The following HECTD4 variants were observed in gnomAD, a reference collection of about 807,000 sequenced individuals.
HECTD4 encodes the protein HECT domain E3 ubiquitin protein ligase 4, also known as probable E3 ubiquitin-protein ligase HECTD4.
In HECTD4, 114 loss-of-function variants were observed where a neutral mutation model predicts 471.5. The observed-to-expected ratio is 0.24, with a 90% CI of 0.21 to 0.28. The LOEUF is 0.28. Among genes scored for constraint, HECTD4 ranks in the 10% least tolerant of loss-of-function variants. The pLI is 1.00. For missense variants in HECTD4, 3,866 were observed against 5,651.5 expected, an observed-to-expected ratio of 0.68 and a Z score of 10.13; for synonymous variants, 2,012 against 2,256.0, an observed-to-expected ratio of 0.89 and a Z score of 3.07.
At chr12:112,303,630 A>G (rs2035209885) in intron 7 of HECTD4, among the ~76,000 whole-genome samples, 1 of 152,148 alleles carries the variant, frequency 6.6e-6, no homozygotes, top group Non-Finnish European at 1.5e-5. Context: ...CATGCTGATC[A>G]CTTGAGCTCA....
In HECTD4 at chr12:112,323,962, CT is replaced by C. The variant is rs201744681; in HGVS notation, c.178-4221del. 7.9e-4 allele frequency among the ~76,000 whole-genome samples: 25 copies of C among 31,686 alleles called. 2 individuals are homozygous for C. The highest frequency in any genetic ancestry group is 2.0e-3 in the South Asian group (1 of 512). The allele number at this position is 31,686 out of a possible 152,430, so 20.8% of individuals were successfully genotyped here. A position where few individuals can be genotyped will look rare whatever the true frequency, so the allele number is the denominator to read the frequency against. On this transcript the variant is annotated intron_variant, in intron 1 of 75. Transcript: ENST00000682272. ...TACTGAGGTGCTTCTTTCTTTCTTT[CT>C]TTCTTCCTTCCTTCCTTCCTTCCTT...
intron 1 of HECTD4, among the ~76,000 whole-genome samples, chr12:112,370,050 A>G (rs992491182): frequency 1.3e-5 from 2 of 152,202 alleles, no homozygotes; most frequent in East Asian, 3.8e-4. Context: ...ATTATCCTGT[A>G]TTATCTGGGT....
At chr12:112,210,885 T>C (rs887374198) in intron 49 of HECTD4, among the ~76,000 whole-genome samples, 4 of 152,222 alleles carry the variant, frequency 2.6e-5, no homozygotes, top group African/African-American at 9.7e-5. Flanking sequence ...GTGCTTGACA[T>C]AGAGTAAGTA....
intron 1 of HECTD4, among the ~76,000 whole-genome samples, chr12:112,339,417 G>A (rs1215234487): frequency 1.3e-5 from 2 of 151,812 alleles, no homozygotes; most frequent in African/African-American, 4.9e-5. Flanking sequence ...AGGGCTATAT[G>A]CATAATATGA....
At chr12:112,291,084 G>C (rs1009322391) in intron 7 of HECTD4, among the ~76,000 whole-genome samples, 2 of 151,424 alleles carry the variant, frequency 1.3e-5, no homozygotes, top group Admixed American at 1.3e-4. Context: ...CTTCTCACAA[G>C]GTGCATTCTT....
intron 17 of HECTD4, among the ~76,000 whole-genome samples, chr12:112,263,305 C>T (rs1047742190): frequency 6.6e-6 from 1 of 152,162 alleles, no homozygotes; most frequent in African/African-American, 2.4e-5. Flanking sequence ...GGGCAAACTG[C>T]ATTGGCTTTT....
Position 112,252,527 on chromosome 12 carries a change from A to G in HECTD4, c.3449T>C (p.Val1150Ala). The part of the protein sequence containing the change: ...GTGWPKDLVK[V>A]EGDTVTFSFE... The stretch of plus-strand genomic sequence containing the variant: ...GGAGAAGGTGACTGTATCTCCTTCC[A>G]CCTTAAAATTTAAGGAAGGGGGGGA... The change falls in exon 23 of 76, where the codon GTG becomes GCG. Residue 1150 changes from valine (V) to alanine (A), a missense_variant and splice_region_variant. This residue lies in a region of HECTD4 where 281 missense variants were observed against 499.9 expected (regional missense o/e 0.56). Transcript: ENST00000682272. The G allele has an allele frequency of 1.9e-6, 3 of 1,608,144 alleles. No individual in the cohort carries two copies. The highest frequency in any genetic ancestry group is 2.5e-6 in the Non-Finnish European group (3 of 1,177,422).
chr12:112,286,226 G>A (rs1325076006), intron 7 of HECTD4, among the ~76,000 whole-genome samples: 2 of 152,188 alleles, frequency 1.3e-5, no homozygotes, highest in Admixed American at 6.5e-5. Context: ...GAGCTGGGAG[G>A]AGTGAGAAGC....
intron 45 of HECTD4, among the ~76,000 whole-genome samples, chr12:112,217,834 A>T (rs1435283289): frequency 2.6e-5 from 4 of 152,198 alleles, no homozygotes; most frequent in Non-Finnish European, 4.4e-5. Flanking sequence ...CTTAATATTC[A>T]GCTCAAGGCT....
At chr12:112,348,956 C>G (rs886789455) in intron 1 of HECTD4, among the ~76,000 whole-genome samples, 4 of 151,828 alleles carry the variant, frequency 2.6e-5, no homozygotes, top group Non-Finnish European at 5.9e-5. Context: ...TCTTTATTTT[C>G]CAAGTTGTTT....
chr12:112,265,060 C>T (rs796420209), intron 16 of HECTD4, 115 bp downstream of exon 16: 40 of 998,952 alleles, frequency 4.0e-5, no homozygotes, highest in Admixed American at 1.3e-4. Flanking sequence ...CCACTGCGCC[C>T]GGCCTTTCAT....
rs1312985379 is a variant in HECTD4, at chr12:112,163,003, T to C, written c.13120+39A>G. On this transcript the variant is annotated intron_variant, in intron 75 of 75. Coordinates refer to ENST00000682272, the MANE Select transcript of HECTD4 (RefSeq NM_001388303.1). The surrounding 1 kb of genome is among the most constrained non-coding windows in gnomAD (Gnocchi z 8.2). Reference sequence around the variant, plus strand: ...CCAGTTCCAAACAGAGAAAGGCTAGTGTGTCCCTACTTGGGACATGGCCAG... The same window carrying C: ...CCAGTTCCAAACAGAGAAAGGCTAGCGTGTCCCTACTTGGGACATGGCCAG... 2.8e-6 allele frequency: 4 copies of C among 1,442,498 alleles called. No homozygotes were observed. In the South Asian group the frequency reaches 3.7e-5, roughly 13 times the overall value. 89.4% of individuals were successfully genotyped at this position (1,442,498 alleles called of 1,614,324 possible).
chr12:112,231,731 A>T lies in HECTD4; in HGVS notation c.5998-16T>A. 1 of 1,600,204 alleles carries T rather than the reference A, an allele frequency of 6.2e-7. No homozygotes were observed. The highest frequency in any genetic ancestry group is 8.5e-7 in the Non-Finnish European group (1 of 1,173,464). ...AACAGCCACCCTGGGGTGAGGTTGA[A>T]GACGCTGAGAAGATTCATTTCAGTC... On this transcript the variant is annotated splice_polypyrimidine_tract_variant and intron_variant, in intron 38 of 75. Coordinates refer to ENST00000682272, the MANE Select transcript of HECTD4 (RefSeq NM_001388303.1).
At chr12:112,201,967 A>G (rs1193616826) in intron 54 of HECTD4, among the ~76,000 whole-genome samples, 2 of 152,248 alleles carry the variant, frequency 1.3e-5, no homozygotes, top group Non-Finnish European at 2.9e-5. Context: ...TGATTATAAT[A>G]AGGACAATTC....
chr12:112,176,794 C>T, intron 64 of HECTD4, 92 bp from the exon 65 acceptor site: 1 of 1,004,624 alleles, frequency 1.0e-6, no homozygotes, highest in Non-Finnish European at 1.6e-6. Flanking sequence ...ATTCCTGCTC[C>T]CTCCTCCAAC....
rs967573723 is a variant in HECTD4 at position 112,209,937 on chromosome 12, T to A, written c.7867+78A>T. On this transcript the variant is annotated intron_variant, in intron 50 of 75. Coordinates refer to ENST00000682272, the MANE Select transcript of HECTD4 (RefSeq NM_001388303.1). ...CCTGATTGTAATGAGGATGCTCAAG[T>A]GCAATGGGTTTATGGAATTCATAAC... 5 of 1,198,866 alleles carry A rather than the reference T, an allele frequency of 4.2e-6. No individual in the cohort carries two copies. The African/African-American group carries it at 7.5e-5, about 18-fold the overall frequency. The allele number at this position is 1,198,866 out of a possible 1,614,324, so 74.3% of individuals were successfully genotyped here.
chr12:112,176,917 A>G (rs1566061471), intron 64 of HECTD4, among the ~76,000 whole-genome samples: 1 of 152,218 alleles, frequency 6.6e-6, no homozygotes, highest in Non-Finnish European at 1.5e-5. Flanking sequence ...AACATGAAAA[A>G]TCTTGTAGAG....
At chr12:112,287,348 G>C (rs558396121) in intron 7 of HECTD4, among the ~76,000 whole-genome samples, 7 of 152,210 alleles carry the variant, frequency 4.6e-5, no homozygotes, top group African/African-American at 1.7e-4. Context: ...TATAGTATAG[G>C]CTCTCAATTA....
chr12:112,280,415 G>C (rs1286619710), intron 8 of HECTD4, among the ~76,000 whole-genome samples: 1 of 152,104 alleles, frequency 6.6e-6, no homozygotes, highest in African/African-American at 2.4e-5. Context: ...ATCAACTGGA[G>C]TGCTTTACTT....
Sources: allele counts gnomAD v4.1 joint callset (sites outside exome capture counted in the v4.1 genomes callset), GRCh38; gene constraint gnomAD v4.1.1; regional missense constraint gnomAD v4.1.1; non-coding constraint Gnocchi (gnomAD v3.1); transcripts MANE v1.5; gene names NCBI Gene and HGNC (gene_info 2026-07-23, HGNC 2026-07-21).